The following KIF27 variants were observed in gnomAD, a reference collection of about 807,000 sequenced individuals.
KIF27 encodes the protein kinesin-like protein KIF27.
Under a neutral mutation model 141.8 loss-of-function variants are expected in KIF27, and 84 were observed. The ratio of observed to expected loss-of-function variants is 0.59; its 90% CI spans 0.50 to 0.71. The LOEUF (loss-of-function observed/expected upper bound fraction) is 0.71. Among genes scored for constraint, KIF27 ranks in the 30% least tolerant of loss-of-function variants. The pLI is 0.00. For missense variants in KIF27, 1,306 were observed against 1,628.4 expected, an observed-to-expected ratio of 0.80 and a Z score of 3.41; for synonymous variants, 471 against 569.5, an observed-to-expected ratio of 0.83 and a Z score of 2.46.
At chr9:83,910,483 C>G (rs1189251909) in intron 2 of KIF27, among the ~76,000 whole-genome samples, 1 of 152,154 alleles carries the variant, frequency 6.6e-6, no homozygotes, top group Non-Finnish European at 1.5e-5. Context: ...TATTTCTTCA[C>G]GTCACCAAGT....
chr9:83,915,247 T>C, intron 2 of KIF27, 47 bp downstream of exon 2: 1 of 1,520,794 alleles, frequency 6.6e-7, no homozygotes, highest in Non-Finnish European at 8.8e-7. Flanking sequence ...ATATTTTTGC[T>C]TCTTTCTAGC....
At chr9:83,846,550 A>C (rs1437425587) in intron 16 of KIF27, among the ~76,000 whole-genome samples, 3 of 152,184 alleles carry the variant, frequency 2.0e-5, no homozygotes, top group Non-Finnish European at 4.4e-5. Flanking sequence ...ATTACATGAC[A>C]ATACTTTGCA....
In KIF27 at chr9:83,859,292, A is replaced by G; in HGVS notation, c.3014T>C (p.Leu1005Pro). The G allele has an allele frequency of 6.2e-7, 1 of 1,614,032 alleles. No individual in the cohort carries two copies. Among genetic ancestry groups the G allele is most frequent in the Non-Finnish European group, 8.5e-7 (1 of 1,179,976 alleles). Residue 1005 changes from leucine (L) to proline (P), a missense_variant, in exon 14 of 18, where the codon CTC (leucine) becomes CCC (proline). Around this residue, in one of 4 missense-constraint regions of KIF27, gnomAD observed 596 missense variants for 751.6 expected, o/e 0.79. Transcript: ENST00000297814. ...EQELSEKNVQ[L>P]QTSTAEEKTK... is the part of the protein sequence containing the mutation. ...TTTCTCCTCAGCTGTACTGGTCTGG[A>G]GCTGCACATTCTTTTCAGACAACTC...
intron 11 of KIF27, among the ~76,000 whole-genome samples, chr9:83,872,757 G>A (rs1018525123): frequency 6.6e-6 from 1 of 152,202 alleles, no homozygotes; most frequent in African/African-American, 2.4e-5. Flanking sequence ...AGACAGTAAG[G>A]AAGACTTGTT....
chr9:83,880,568 T>C lies in KIF27; in HGVS notation c.2446-74A>G. The C allele has an allele frequency of 3.5e-6, 4 of 1,139,764 alleles. No homozygotes were observed. In the Admixed American group the frequency reaches 9.1e-5, roughly 26 times the overall value. The allele number at this position is 1,139,764 out of a possible 1,614,324, so 70.6% of individuals were successfully genotyped here. On this transcript the variant is annotated intron_variant, in intron 10 of 17. Coordinates refer to ENST00000297814, the MANE Select transcript of KIF27 (RefSeq NM_017576.4). Reference sequence around the variant, plus strand: ...TCCTCAACTAAACTTAATCTTTTCATTTGATGGTAAAAGAAGAAATTTTCC... The same window carrying C: ...TCCTCAACTAAACTTAATCTTTTCACTTGATGGTAAAAGAAGAAATTTTCC...
At chr9:83,866,946 T>TCCCC (rs1392840595) in intron 13 of KIF27, among the ~76,000 whole-genome samples, 1 of 148,438 alleles carries the variant, frequency 6.7e-6, no homozygotes, top group African/African-American at 2.5e-5. Flanking sequence ...TATATTTTAT[T>TCCCC]CACCCCCCCC....
At chr9:83,913,011 A>AG (rs1325537303) in intron 2 of KIF27, among the ~76,000 whole-genome samples, 2 of 151,886 alleles carry the variant, frequency 1.3e-5, no homozygotes, top group African/African-American at 2.4e-5. Context: ...TAAAAAAAAA[A>AG]AAAATTAGTC....
chr9:83,918,398 G>A (rs563760645), intron 1 of KIF27, among the ~76,000 whole-genome samples: 1 of 152,102 alleles, frequency 6.6e-6, no homozygotes, highest in African/African-American at 2.4e-5. Flanking sequence ...AAAACTTTGT[G>A]CCTCGAAGGA....
rs372040704 is a variant in KIF27, at chr9:83,835,048, A to G, written c.*1953T>C. ...GTATTTATTAACAAAGATCCTAATT[A>G]TAAGTTCCTTGTAAGATTATGTGCT... is the stretch of plus-strand genomic sequence containing the variant. On this transcript the variant is annotated 3_prime_UTR_variant, in exon 18 of 18. Coordinates refer to ENST00000297814, the MANE Select transcript of KIF27 (RefSeq NM_017576.4). 8.7e-5 allele frequency among the ~76,000 whole-genome samples: 13 copies of G among 150,002 alleles called. No homozygotes were observed. The South Asian group carries it at 2.7e-3, about 31-fold the overall frequency.
At chr9:83,881,705 C>T (rs1447894256) in intron 10 of KIF27, among the ~76,000 whole-genome samples, 1 of 152,228 alleles carries the variant, frequency 6.6e-6, no homozygotes, top group Non-Finnish European at 1.5e-5. Context: ...TTGCCATTTC[C>T]AGTACCTAAA....
chr9:83,887,520 G>A (rs960756904), intron 8 of KIF27, among the ~76,000 whole-genome samples: 3 of 152,094 alleles, frequency 2.0e-5, no homozygotes, highest in African/African-American at 7.2e-5. Context: ...TGGAGAGAGG[G>A]GTGAATTTGT....
Position 83,919,509 on chromosome 9 carries a change from T to C in KIF27, c.-88+1862A>G, listed in dbSNP as rs116452789. 4.9e-3 allele frequency among the ~76,000 whole-genome samples: 745 copies of C among 152,178 alleles called. 5 individuals carry two copies. Among genetic ancestry groups the C allele is most frequent in the African/African-American group, 0.017 (715 of 41,512 alleles). On this transcript the variant is annotated intron_variant, in intron 1 of 17. Transcript: ENST00000297814. The stretch of plus-strand genomic sequence containing the variant: ...GGAAAAGCTGCTGAGTCTTGAAGAT[T>C]ACCATTAAGTAACACAGACAACTAG...
At chr9:83,890,541 T>C (rs188336198) in intron 6 of KIF27, among the ~76,000 whole-genome samples, 202 of 152,360 alleles carry the variant, frequency 1.3e-3, no homozygotes, top group Middle Eastern at 3.4e-3. Context: ...AAAATTTCTT[T>C]TTACAAAGAA....
rs1564285149 is a variant in KIF27 at position 83,848,178 on chromosome 9, CATATATGATATATA to C, written c.3556+1907_3556+1920del. Among the ~76,000 whole-genome samples, 122 of 35,396 alleles carry C rather than the reference CATATATGATATATA, an allele frequency of 3.4e-3. 31 individuals are homozygous for C. Among genetic ancestry groups the C allele is most frequent in the African/African-American group, 0.026 (115 of 4,382 alleles). 23.2% of individuals were successfully genotyped at this position (35,396 alleles called of 152,430 possible). ...ATCATATATGATATATCTGATATATCATATATGATATATATGATATATCAGATATGATATATATG... is the reference window on the plus strand; with the variant it reads ...ATCATATATGATATATCTGATATATCTGATATATCAGATATGATATATATG... On this transcript the variant is annotated intron_variant, in intron 16 of 17. Coordinates refer to ENST00000297814, the MANE Select transcript of KIF27 (RefSeq NM_017576.4).
rs537428541 is a variant in KIF27 at position 83,885,442 on chromosome 9, CATT to C, written c.2240-1427_2240-1425del. The stretch of plus-strand genomic sequence containing the variant: ...TATACTGCTATCCAAAAATACTCAT[CATT>C]TTTTTATAAAAGTTATTTAACTAAA... On this transcript the variant is annotated intron_variant, in intron 9 of 17. Coordinates refer to ENST00000297814, the MANE Select transcript of KIF27 (RefSeq NM_017576.4). Among the ~76,000 whole-genome samples the C allele has an allele frequency of 2.2e-3, 336 of 152,242 alleles. 4 individuals are homozygous for C. Among genetic ancestry groups the C allele is most frequent in the Middle Eastern group, 3.4e-3 (1 of 294 alleles).
intron 1 of KIF27, among the ~76,000 whole-genome samples, chr9:83,918,221 G>A (rs534174091): frequency 6.6e-6 from 1 of 151,264 alleles, no homozygotes; most frequent in Non-Finnish European, 1.5e-5. Context: ...GTTACAGTGA[G>A]CTGTATCTGC....
intron 10 of KIF27, 64 bp downstream of exon 10, chr9:83,883,749 G>A (rs1289591632): frequency 1.8e-6 from 2 of 1,142,444 alleles, no homozygotes; most frequent in Non-Finnish European, 2.6e-6. Flanking sequence ...TCCTAACTCA[G>A]TACAAGAATC....
chr9:83,874,760 C>G (rs192900943), intron 11 of KIF27, among the ~76,000 whole-genome samples: 1 of 151,718 alleles, frequency 6.6e-6, no homozygotes. Flanking sequence ...ATAGTAAGAC[C>G]CTATCTCTAC....
At position 83,903,715 on chromosome 9, in the gene KIF27, T is replaced by C. The variant is rs1160279911; in HGVS notation, c.803A>G (p.Asn268Ser). The change falls in exon 4 of 18, where the codon AAT (asparagine) becomes AGT (serine). Residue 268 changes from asparagine to serine, a missense_variant. Asn to Ser is a conservative substitution (Grantham distance 46). Around this residue, in one of 4 missense-constraint regions of KIF27, gnomAD observed 533 missense variants for 565.6 expected, o/e 0.94. Coordinates refer to ENST00000297814, the MANE Select transcript of KIF27 (RefSeq NM_017576.4). ...GERFKESIQI[N>S]SGLLALGNVI... Reference sequence around the variant, plus strand: ...ATTTCCTAAAGCCAGCAATCCACTATTGATTTGAATGGATTCTTTGAACCG... The same window carrying C: ...ATTTCCTAAAGCCAGCAATCCACTACTGATTTGAATGGATTCTTTGAACCG... The C allele has an allele frequency of 1.2e-6, 2 of 1,614,194 alleles. No individual in the cohort carries two copies. The highest frequency in any genetic ancestry group is 2.7e-5 in the African/African-American group (2 of 75,052).
Sources: allele counts gnomAD v4.1 joint callset (sites outside exome capture counted in the v4.1 genomes callset), GRCh38; gene constraint gnomAD v4.1.1; regional missense constraint gnomAD v4.1.1; transcripts MANE v1.5; gene names NCBI Gene and HGNC (gene_info 2026-07-23, HGNC 2026-07-21).